Variants in XRCC4 observed in about 807,000 individuals in gnomAD.
The protein encoded by XRCC4 is X-ray repair cross complementing 4.
In XRCC4, 28 loss-of-function variants were observed where a neutral mutation model predicts 39.1. The ratio of observed to expected loss-of-function variants is 0.72; its 90% CI spans 0.53 to 0.98. The LOEUF (loss-of-function observed/expected upper bound fraction) is 0.98. Ranked by LOEUF, XRCC4 falls within the 50% of genes least tolerant of loss-of-function variation. The pLI is 0.00. For missense variants in XRCC4, 350 were observed against 376.4 expected (o/e 0.93, Z 0.58); for synonymous variants, 123 against 126.4 (o/e 0.97, Z 0.18).
intron 1 of XRCC4, among the ~76,000 whole-genome samples, chr5:83,079,359 G>A (rs1303172217): frequency 6.6e-6 from 1 of 152,102 alleles, no homozygotes; most frequent in African/African-American, 2.4e-5. Flanking sequence ...GGAGGTGGTA[G>A]TTTAGCTCCA....
intron 1 of XRCC4, among the ~76,000 whole-genome samples, chr5:83,079,499 T>G (rs897633499): frequency 6.6e-6 from 1 of 152,178 alleles, no homozygotes; most frequent in Non-Finnish European, 1.5e-5. Context: ...AAATAAAATC[T>G]GTCTGTGTTA....
At chr5:83,362,987 A>G in the XRCC4 span, among the ~76,000 whole-genome samples, 79 of 152,224 alleles carry the variant, frequency 5.2e-4, 1 homozygote, top group Non-Finnish European at 9.6e-4. Flanking sequence ...TATTAAAATG[A>G]AGACATCACT....
At chr5:83,292,000 G>A (rs1754938878) in intron 7 of XRCC4, among the ~76,000 whole-genome samples, 1 of 148,006 alleles carries the variant, frequency 6.8e-6, no homozygotes, top group Admixed American at 6.8e-5. Context: ...TTATGGTGTA[G>A]TAGAAAGTGT....
intron 7 of XRCC4, among the ~76,000 whole-genome samples, chr5:83,282,811 C>T (rs1452454514): frequency 2.0e-5 from 3 of 152,052 alleles, no homozygotes; most frequent in African/African-American, 7.2e-5. Flanking sequence ...CACTGCACTC[C>T]AGCCTGGGCG....
intron 3 of XRCC4, among the ~76,000 whole-genome samples, chr5:83,133,673 TG>T (rs1231673507): frequency 2.6e-5 from 4 of 152,210 alleles, no homozygotes; most frequent in Non-Finnish European, 1.5e-5. Context: ...TCCATGGGCA[TG>T]GGACTCTCCA....
At chr5:83,175,874 GC>G (rs972144909) in intron 3 of XRCC4, among the ~76,000 whole-genome samples, 1 of 152,236 alleles carries the variant, frequency 6.6e-6, no homozygotes, top group Admixed American at 6.5e-5. Flanking sequence ...CTCCCAAAGT[GC>G]TAGGATTATA....
At chr5:83,277,911 T>C (rs987367747) in intron 7 of XRCC4, among the ~76,000 whole-genome samples, 1 of 152,242 alleles carries the variant, frequency 6.6e-6, no homozygotes, top group African/African-American at 2.4e-5. Flanking sequence ...AGCATTTTCA[T>C]TTAATATCTT....
At chr5:83,212,994 A>G (rs1346976234) in intron 6 of XRCC4, among the ~76,000 whole-genome samples, 1 of 151,688 alleles carries the variant, frequency 6.6e-6, no homozygotes, top group Non-Finnish European at 1.5e-5. Flanking sequence ...ATATACGTAG[A>G]AAACATTTGA....
At chr5:83,282,749 G>A (rs2112957607) in intron 7 of XRCC4, among the ~76,000 whole-genome samples, 1 of 152,240 alleles carries the variant, frequency 6.6e-6, no homozygotes, top group Non-Finnish European at 1.5e-5. Flanking sequence ...GGCTGAGACA[G>A]GAGAATGGCA....
chr5:83,316,463 A>G (rs1755886750), intron 7 of XRCC4, among the ~76,000 whole-genome samples: 1 of 151,180 alleles, frequency 6.6e-6, no homozygotes, highest in Admixed American at 6.6e-5. Flanking sequence ...AACCCATCTC[A>G]CGTGCAGAGA....
intron 6 of XRCC4, among the ~76,000 whole-genome samples, chr5:83,247,438 C>T (rs577927151): frequency 4.9e-4 from 75 of 152,254 alleles, no homozygotes; most frequent in African/African-American, 1.7e-3. Flanking sequence ...CCAACCTCAC[C>T]CGGTCCATGG....
In XRCC4 at chr5:83,103,009, G is replaced by GATATATATATATATATATATATATAT. The variant is rs56183616; in HGVS notation, c.-10-1879_-10-1878insATATATATATATATATATATATATAT. 8.8e-3 allele frequency among the ~76,000 whole-genome samples: 937 copies of GATATATATATATATATATATATATAT among 105,962 alleles called. 32 individuals are homozygous for GATATATATATATATATATATATATAT. The highest frequency in any genetic ancestry group is 0.012 in the African/African-American group (303 of 25,272). 69.5% of individuals were successfully genotyped at this position (105,962 alleles called of 152,430 possible). A position where few individuals can be genotyped will look rare whatever the true frequency, so the allele number is the denominator to read the frequency against. ...ATAGGGTTCCAGTAAAGATAGAGCT[G>GATATATATATATATATATATATATAT]ATATATATATATATATATATATGTC... On this transcript the variant is annotated intron_variant, in intron 1 of 7. Coordinates refer to ENST00000396027, the MANE Select transcript of XRCC4 (RefSeq NM_003401.5).
chr5:83,206,579 C>A (rs1209076825), intron 6 of XRCC4, among the ~76,000 whole-genome samples: 1 of 151,916 alleles, frequency 6.6e-6, no homozygotes, highest in African/African-American at 2.4e-5. Context: ...ATGAGACAGG[C>A]AATACTTTCA....
chr5:83,147,490 G>T (rs1748510692), intron 3 of XRCC4, among the ~76,000 whole-genome samples: 1 of 152,058 alleles, frequency 6.6e-6, no homozygotes, highest in Non-Finnish European at 1.5e-5. Flanking sequence ...CTTATATGTG[G>T]AATCTAAAAA....
At chr5:83,350,797 T>C (rs1757057937) in intron 7 of XRCC4, among the ~76,000 whole-genome samples, 1 of 152,226 alleles carries the variant, frequency 6.6e-6, no homozygotes, top group African/African-American at 2.4e-5. Flanking sequence ...ATTTTTGTTT[T>C]TGTTGCAGTT....
At chr5:83,247,415 C>CA (rs1427235612) in intron 6 of XRCC4, among the ~76,000 whole-genome samples, 1 of 152,158 alleles carries the variant, frequency 6.6e-6, no homozygotes, top group East Asian at 1.9e-4. Flanking sequence ...AGATCAGTGG[C>CA]AAAATCATCC....
chr5:83,292,966 T>A (rs1290903477), intron 7 of XRCC4, among the ~76,000 whole-genome samples: 1 of 151,960 alleles, frequency 6.6e-6, no homozygotes, highest in Non-Finnish European at 1.5e-5. Context: ...AATCTAGGTA[T>A]AATTAGTCAC....
At chr5:83,367,940 C>T in the XRCC4 span, among the ~76,000 whole-genome samples, 1 of 151,878 alleles carries the variant, frequency 6.6e-6, no homozygotes, top group Non-Finnish European at 1.5e-5. Flanking sequence ...ACATAGGCAG[C>T]TCTGTATACC....
chr5:83,156,800 G>GGTAT (rs1748987753), intron 3 of XRCC4, among the ~76,000 whole-genome samples: 1 of 152,086 alleles, frequency 6.6e-6, no homozygotes. Context: ...CTAACTAAGT[G>GGTAT]GTATGGAGAA....
Sources: gnomAD v4.1 joint callset for allele counts (sites outside exome capture counted in the v4.1 genomes callset) on GRCh38, gnomAD v4.1.1 for gene constraint, MANE v1.5 for transcripts, NCBI Gene and HGNC (gene_info 2026-07-23, HGNC 2026-07-21) for gene names.